Variants in LTAP1 observed in about 807,000 individuals in gnomAD.
The protein encoded by LTAP1 is lipid transport auxiliary protein 1.
chr1:154,207,543 G>T, the LTAP1 span: 22 of 1,614,072 alleles, frequency 1.4e-5, no homozygotes, highest in African/African-American at 2.5e-4. Flanking sequence ...GACTGGAGGG[G>T]AGGTATGTCA....
chr1:154,215,982 C>A, the LTAP1 span, among the ~76,000 whole-genome samples: 3 of 151,948 alleles, frequency 2.0e-5, no homozygotes, highest in Admixed American at 6.6e-5. Flanking sequence ...GGACTACAGG[C>A]GCCCGCCACC....
chr1:154,212,711 A>G, the LTAP1 span: 1 of 1,475,400 alleles, frequency 6.8e-7, no homozygotes, highest in Non-Finnish European at 9.2e-7. Flanking sequence ...CCCGGGCTGG[A>G]GTGCAGTGGC....
the LTAP1 span, chr1:154,206,798 T>C: frequency 6.4e-6 from 1 of 156,112 alleles, no homozygotes; most frequent in East Asian, 1.9e-4. Context: ...GGGAAACCAT[T>C]CCTTCCTACT....
the LTAP1 span, chr1:154,219,997 T>TTA: frequency 7.3e-5 from 99 of 1,353,038 alleles, no homozygotes; most frequent in African/African-American, 8.9e-5. Context: ...GTTTTTTTTT[T>TTA]AAAAAAGCAT....
chr1:154,208,680 A>C, the LTAP1 span, among the ~76,000 whole-genome samples: 3 of 152,172 alleles, frequency 2.0e-5, no homozygotes, highest in Non-Finnish European at 4.4e-5. Context: ...TTCAAACCTA[A>C]GTTTGTCAGA....
At chr1:154,214,647 G>A in the LTAP1 span, 1 of 900,388 alleles carries the variant, frequency 1.1e-6, no homozygotes, top group African/African-American at 1.7e-5. Flanking sequence ...AAATGGGGCA[G>A]AGTTAATGAA....
At chr1:154,209,578 G>A in the LTAP1 span, among the ~76,000 whole-genome samples, 3 of 151,062 alleles carry the variant, frequency 2.0e-5, no homozygotes, top group African/African-American at 4.9e-5. Flanking sequence ...GTAGGTGGTC[G>A]CCACCACTCC....
the LTAP1 span, chr1:154,212,323 G>A: frequency 1.2e-6 from 2 of 1,614,062 alleles, no homozygotes; most frequent in Non-Finnish European, 1.7e-6. Flanking sequence ...AACTCACGCA[G>A]TGGCCAGCTC....
chr1:154,207,407 A>G, the LTAP1 span: 5 of 1,597,494 alleles, frequency 3.1e-6, no homozygotes, highest in East Asian at 2.2e-5. Context: ...TGTCTTGCAC[A>G]TTGCAACTGA....
At chr1:154,219,979 T>C in the LTAP1 span, 1 of 1,456,028 alleles carries the variant, frequency 6.9e-7, no homozygotes, top group South Asian at 1.3e-5. Flanking sequence ...AAAAGTCAGT[T>C]TTGTTTTGTT....
chr1:154,214,502 C>A, the LTAP1 span: 1 of 1,614,102 alleles, frequency 6.2e-7, no homozygotes, highest in Non-Finnish European at 8.5e-7. Context: ...GCATCATCAT[C>A]TGCAAGGAGC....
At chr1:154,208,752 T>A in the LTAP1 span, among the ~76,000 whole-genome samples, 2 of 152,040 alleles carry the variant, frequency 1.3e-5, no homozygotes, top group Non-Finnish European at 2.9e-5. Flanking sequence ...AAATCAAACA[T>A]AATTTTTTGT....
At chr1:154,212,687 G>A in the LTAP1 span, 1 of 1,574,210 alleles carries the variant, frequency 6.4e-7, no homozygotes, top group Non-Finnish European at 8.7e-7. Flanking sequence ...TTGAGATGGA[G>A]TCTCGCTCTG....
the LTAP1 span, among the ~76,000 whole-genome samples, chr1:154,208,866 C>T: frequency 6.6e-6 from 1 of 152,068 alleles, no homozygotes; most frequent in African/African-American, 2.4e-5. Flanking sequence ...CCTGTCTCGG[C>T]CTCCCGAGTA....
the LTAP1 span, among the ~76,000 whole-genome samples, chr1:154,217,727 C>T: frequency 6.6e-6 from 1 of 151,774 alleles, no homozygotes; most frequent in South Asian, 2.1e-4. Context: ...GGTCTGGTCT[C>T]GAACTCCTGA....
At chr1:154,220,395 T>C in the LTAP1 span, 7 of 1,614,236 alleles carry the variant, frequency 4.3e-6, no homozygotes, top group Middle Eastern at 1.7e-4. Context: ...AGCCAGTTAC[T>C]GCCGGACGCC....
the LTAP1 span, chr1:154,220,508 C>G: frequency 2.2e-6 from 3 of 1,351,832 alleles, no homozygotes; most frequent in Admixed American, 5.2e-5. Context: ...CCCTGGAGCT[C>G]CCCGGCCATT....
the LTAP1 span, chr1:154,212,662 C>CT: frequency 1.9e-6 from 3 of 1,610,076 alleles, no homozygotes; most frequent in African/African-American, 2.7e-5. Context: ...TCTTCTCATT[C>CT]TTTAGTCTTT....
chr1:154,218,803 C>T, the LTAP1 span, among the ~76,000 whole-genome samples: 1 of 152,136 alleles, frequency 6.6e-6, no homozygotes, highest in East Asian at 1.9e-4. Flanking sequence ...AAGAGAGAGG[C>T]ATGTTTTAAA....
Sources: gnomAD v4.1 joint callset for allele counts (sites outside exome capture counted in the v4.1 genomes callset) on GRCh38, gnomAD v4.1.1 for gene constraint, MANE v1.5 for transcripts, NCBI Gene and HGNC (gene_info 2026-07-23, HGNC 2026-07-21) for gene names.